The following USP12 variants were observed in gnomAD, a reference collection of about 807,000 sequenced individuals.
The protein encoded by USP12 is ubiquitin specific peptidase 12.
In USP12, 19 loss-of-function variants were observed where a neutral mutation model predicts 45.5. The observed-to-expected ratio is 0.42, with a 90% CI of 0.29 to 0.61. The LOEUF (loss-of-function observed/expected upper bound fraction) is 0.61. Ranked by LOEUF, USP12 falls within the 20% of genes least tolerant of loss-of-function variation. The probability of loss-of-function intolerance (pLI) is 0.22; values close to 1 mark genes in which losing one functional copy is unlikely to be tolerated. For missense variants in USP12, 242 were observed against 447.7 expected (o/e 0.54, Z 4.15); for synonymous variants, 149 against 148.8 (o/e 1.00, Z -0.01).
At chr13:27,137,954 C>G (rs1876884004) in intron 1 of USP12, among the ~76,000 whole-genome samples, 1 of 152,220 alleles carries the variant, frequency 6.6e-6, no homozygotes, top group Non-Finnish European at 1.5e-5. Flanking sequence ...CAGCTGCCAA[C>G]TAGGAACCAG....
chr13:27,134,116 C>T, intron 1 of USP12, among the ~76,000 whole-genome samples: 1 of 152,176 alleles, frequency 6.6e-6, no homozygotes, highest in East Asian at 1.9e-4. Flanking sequence ...TGCACTCCAG[C>T]CTGGGTCACA....
chr13:27,084,604 G>A (rs765258225), intron 6 of USP12, among the ~76,000 whole-genome samples: 4 of 150,480 alleles, frequency 2.7e-5, no homozygotes, highest in Admixed American at 6.6e-5. Context: ...ATTCTTTTTC[G>A]TGTGGATATT....
chr13:27,090,515 T>G (rs775739100), intron 4 of USP12, among the ~76,000 whole-genome samples: 15 of 152,166 alleles, frequency 9.9e-5, no homozygotes, highest in Non-Finnish European at 1.9e-4. Flanking sequence ...TAAAAATGCT[T>G]CACACAGGAC....
At chr13:27,109,864 G>A (rs1016571900) in intron 2 of USP12, among the ~76,000 whole-genome samples, 1 of 142,912 alleles carries the variant, frequency 7.0e-6, no homozygotes, top group Non-Finnish European at 1.5e-5. Context: ...AGCCGAGATG[G>A]TGCCGCCATT....
At position 27,105,855 on chromosome 13, in the gene USP12, T is replaced by C. The variant is rs1306708587; in HGVS notation, c.219A>G (p.Gln73=). The C allele has an allele frequency of 3.1e-6, 5 of 1,613,870 alleles. No homozygotes were observed. Among genetic ancestry groups the C allele is most frequent in the Middle Eastern group, 3.3e-4 (2 of 6,054 alleles). The change falls in exon 3 of 9, where the codon CAA becomes CAG. Residue 73 remains glutamine (Q), a synonymous_variant. Coordinates refer to ENST00000282344, the MANE Select transcript of USP12 (RefSeq NM_182488.4). ...TAAGAAGGCTCTCCTTTTTCCTAGGTTGACTCTTATACGCAAGAACTTTTT... is the reference window on the plus strand; with the variant it reads ...TAAGAAGGCTCTCCTTTTTCCTAGGCTGACTCTTATACGCAAGAACTTTTT... ...FREKVLAYKS[Q]PRKKESLLTC...
intron 1 of USP12, among the ~76,000 whole-genome samples, chr13:27,163,210 AAC>A (rs1878193256): frequency 6.6e-6 from 1 of 152,156 alleles, no homozygotes. Context: ...CCTCAGGCTA[AAC>A]ACACACTTTA....
At chr13:27,141,958 T>G (rs1018837239) in intron 1 of USP12, among the ~76,000 whole-genome samples, 1 of 151,720 alleles carries the variant, frequency 6.6e-6, no homozygotes, top group South Asian at 2.1e-4. Flanking sequence ...CAAAAAAAAA[T>G]ACAAAAATTA....
Position 27,081,009 on chromosome 13 carries a change from A to ATTTTTTT in USP12, c.735-5628_735-5622dup. ...GCTGAAGGTCGGGGTGGCTGAGGCAATTTTTTTTTTTTTTTTTTTTTTGAG... is the reference window on the plus strand; with the variant it reads ...GCTGAAGGTCGGGGTGGCTGAGGCAATTTTTTTTTTTTTTTTTTTTTTTTTTTTTGAG... On this transcript the variant is annotated intron_variant, in intron 6 of 8. Transcript: ENST00000282344. Among the ~76,000 whole-genome samples, 3 of 114,618 alleles carry ATTTTTTT rather than the reference A, an allele frequency of 2.6e-5. 1 individual carries two copies. Among genetic ancestry groups the ATTTTTTT allele is most frequent in the South Asian group, 3.0e-4 (1 of 3,326 alleles). The allele number at this position is 114,618 out of a possible 152,430, so 75.2% of individuals were successfully genotyped here.
intron 6 of USP12, among the ~76,000 whole-genome samples, chr13:27,076,188 C>T (rs970065905): frequency 3.3e-5 from 5 of 151,994 alleles, no homozygotes; most frequent in African/African-American, 1.2e-4. Flanking sequence ...GCACTAAAGA[C>T]CAATCAAGGT....
intron 1 of USP12, among the ~76,000 whole-genome samples, chr13:27,163,613 G>A (rs1002177289): frequency 6.6e-6 from 1 of 151,530 alleles, no homozygotes; most frequent in Non-Finnish European, 1.5e-5. Context: ...TTCTCATCAG[G>A]ACACACAGAG....
At chr13:27,099,049 C>T (rs1343908263) in intron 3 of USP12, among the ~76,000 whole-genome samples, 1 of 152,180 alleles carries the variant, frequency 6.6e-6, no homozygotes, top group Non-Finnish European at 1.5e-5. Context: ...GCCTGACCAA[C>T]ATGGTGAAAC....
chr13:27,165,320 A>T (rs1475385856), intron 1 of USP12, among the ~76,000 whole-genome samples: 1 of 152,100 alleles, frequency 6.6e-6, no homozygotes, highest in Non-Finnish European at 1.5e-5. Flanking sequence ...TTTCAAAATA[A>T]ATTAGTGCTT....
chr13:27,070,504 A>AT (rs567394814), intron 8 of USP12, among the ~76,000 whole-genome samples: 15,027 of 145,594 alleles, frequency 0.1, 1,088 homozygotes, highest in East Asian at 0.28. Flanking sequence ...ACATGGCTTA[A>AT]TTTTTTTTTT....
chr13:27,084,219 A>C lies in USP12; in HGVS notation c.734+5664T>G, dbSNP rs530993223. On this transcript the variant is annotated intron_variant, in intron 6 of 8. Transcript: ENST00000282344. Reference sequence around the variant, plus strand: ...ACACACACACACACACACACACACAAATTCCTGTCTGGGTGTGGTGGCTCA... The same window carrying C: ...ACACACACACACACACACACACACACATTCCTGTCTGGGTGTGGTGGCTCA... 4.2e-3 allele frequency among the ~76,000 whole-genome samples: 406 copies of C among 97,258 alleles called. 9 individuals carry two copies. The highest frequency in any genetic ancestry group is 0.016 in the African/African-American group (390 of 24,888). 63.8% of individuals were successfully genotyped at this position (97,258 alleles called of 152,430 possible).
chr13:27,069,751 C>T (rs1438127985), intron 8 of USP12, among the ~76,000 whole-genome samples: 1 of 152,180 alleles, frequency 6.6e-6, no homozygotes, highest in Non-Finnish European at 1.5e-5. Flanking sequence ...AGTTCGAGAC[C>T]AGCCTGACCA....
At chr13:27,101,552 G>A (rs554910887) in intron 3 of USP12, among the ~76,000 whole-genome samples, 52 of 152,208 alleles carry the variant, frequency 3.4e-4, no homozygotes, top group Middle Eastern at 3.4e-3. Context: ...GGTTCCCTCC[G>A]TCATGGAACT....
At chr13:27,093,759 T>C (rs1377303540) in intron 4 of USP12, among the ~76,000 whole-genome samples, 2 of 152,190 alleles carry the variant, frequency 1.3e-5, no homozygotes, top group Admixed American at 6.5e-5. Context: ...TTGGCAAAAC[T>C]TGGAAGCAAC....
chr13:27,147,022 G>A (rs753377759), intron 1 of USP12, among the ~76,000 whole-genome samples: 3 of 152,324 alleles, frequency 2.0e-5, no homozygotes, highest in Middle Eastern at 6.8e-3. Flanking sequence ...GAAGCCTGGG[G>A]CAGATCCTTC....
At chr13:27,074,331 C>T (rs1180524153) in intron 7 of USP12, among the ~76,000 whole-genome samples, 3 of 151,758 alleles carry the variant, frequency 2.0e-5, no homozygotes, top group Non-Finnish European at 4.4e-5. Flanking sequence ...ACCCGGGAGG[C>T]GGAGCTTGCA....
Sources: allele counts gnomAD v4.1 joint callset (sites outside exome capture counted in the v4.1 genomes callset), GRCh38; gene constraint gnomAD v4.1.1; transcripts MANE v1.5; gene names NCBI Gene and HGNC (gene_info 2026-07-23, HGNC 2026-07-21).